The following HELZ2 variants were observed in gnomAD, a reference collection of about 807,000 sequenced individuals.
The protein encoded by HELZ2 is 3'-5' exoribonuclease HELZ2.
A neutral mutation model predicts 208.8 loss-of-function variants in HELZ2; 143 were observed. That is an observed-to-expected ratio of 0.68 (90% CI 0.60 to 0.79). The LOEUF (loss-of-function observed/expected upper bound fraction) is 0.79. Ranked by LOEUF, HELZ2 falls within the 30% of genes least tolerant of loss-of-function variation. HELZ2 has a pLI of 0.00. For missense variants in HELZ2, 3,690 were observed against 3,794.5 expected (o/e 0.97, Z 0.72); for synonymous variants, 1,705 against 1,693.7 (o/e 1.01, Z -0.16).
exon 5 of HELZ2, chr20:63,568,556 G>C: frequency 6.3e-7 from 1 of 1,586,468 alleles, no homozygotes; most frequent in Non-Finnish European, 8.5e-7. Flanking sequence ...ACGCCGCAAG[G>C]GTGGGACAGA....
chr20:63,567,119 C>A, exon 6 of HELZ2: 1 of 1,611,760 alleles, frequency 6.2e-7, no homozygotes, highest in Non-Finnish European at 8.5e-7. Context: ...ACAATGGCGT[C>A]CGTGCAGCGG....
At chr20:63,569,633 C>A in exon 4 of HELZ2, 1 of 1,545,076 alleles carries the variant, frequency 6.5e-7, no homozygotes, top group Non-Finnish European at 8.7e-7. Flanking sequence ...CTCCTGGCTC[C>A]TGCTTCAGCA....
chr20:63,566,058 C>G (rs199516314), exon 8 of HELZ2: 1 of 1,588,758 alleles, frequency 6.3e-7, no homozygotes, highest in Non-Finnish European at 8.5e-7. Flanking sequence ...CCGCAGGCCC[C>G]GAAGGAGCAG....
At chr20:63,567,031 C>G (rs916922122) in exon 6 of HELZ2, 1 of 1,611,222 alleles carries the variant, frequency 6.2e-7, no homozygotes, top group Admixed American at 1.7e-5. Flanking sequence ...CGGGTAGTGC[C>G]GGGGGTGGGG....
chr20:63,572,760 G>A (rs560150424), upstream of HELZ2: 64 of 224,332 alleles, frequency 2.9e-4, no homozygotes, highest in Middle Eastern at 1.5e-3. Context: ...TTGTGCTGAC[G>A]CTCGAAGGTC....
upstream of HELZ2, chr20:63,574,111 C>T (rs1273836972): frequency 6.7e-6 from 1 of 148,750 alleles, no homozygotes; most frequent in African/African-American, 2.5e-5. Context: ...CTGGGACCCC[C>T]GCGCTCACCC....
intron 3 of HELZ2, chr20:63,570,115 ATTT>A (rs56804055): frequency 3.1e-3 from 884 of 286,788 alleles, no homozygotes; most frequent in Middle Eastern, 6.6e-3. Context: ...TGCCTGGCTA[ATTT>A]TTTTTTTTTT....
At chr20:63,563,126 C>A in exon 8 of HELZ2, 1 of 1,596,332 alleles carries the variant, frequency 6.3e-7, no homozygotes, top group Non-Finnish European at 8.5e-7. Context: ...GAGCTGAGGG[C>A]TCGGTACCAG....
rs754552109 is a variant in HELZ2, at chr20:63,561,337, C to A, written c.6953+13G>T. On this transcript the variant is annotated intron_variant, in intron 13 of 18. Transcript: ENST00000467148. ...GCTGCAGGCAGCTCCACCCCCTGGC[C>A]CCTGCCACTTACCAGACCAGGTCCT... 1.3e-5 allele frequency: 21 copies of A among 1,612,762 alleles called. No homozygotes were observed. The highest frequency in any genetic ancestry group is 1.8e-5 in the Non-Finnish European group (21 of 1,179,796).
exon 6 of HELZ2, chr20:63,567,453 C>T: frequency 6.4e-7 from 1 of 1,558,900 alleles, no homozygotes; most frequent in Non-Finnish European, 8.7e-7. Context: ...CCAGCTCTGC[C>T]CGTGTGGGCG....
Position 63,559,516 on chromosome 20 carries a change from GAGTC to G in HELZ2, c.7826-150_7826-147del, listed in dbSNP as rs1349558827. On this transcript the variant is annotated intron_variant, in intron 18 of 18. Coordinates refer to ENST00000467148, the Ensembl canonical transcript of HELZ2. ...GGTGGGAGGAGTCAGGGTCAGATGG[GAGTC>G]AGTCAGAGTCAGGTGGGAGGAGTCA... The G allele has an allele frequency of 7.6e-4, 256 of 338,360 alleles. 1 individual carries two copies. The highest frequency in any genetic ancestry group is 2.3e-3 in the Middle Eastern group (3 of 1,322). The allele number at this position is 338,360 out of a possible 1,614,324, so 21.0% of individuals were successfully genotyped here. A position where few individuals can be genotyped will look rare whatever the true frequency, so the allele number is the denominator to read the frequency against.
chr20:63,561,093 G>C (rs1236892969), exon 14 of HELZ2: 3 of 1,611,736 alleles, frequency 1.9e-6, no homozygotes, highest in Non-Finnish European at 2.5e-6. Context: ...TTCTCGGCCT[G>C]TGGGAACTGC....
At chr20:63,562,265 C>G in intron 9 of HELZ2, 23 bp downstream of exon 10, 2 of 1,590,732 alleles carry the variant, frequency 1.3e-6, no homozygotes, top group South Asian at 2.2e-5. Flanking sequence ...AGAGGGGAAG[C>G]TGGAGGGGTG....
At chr20:63,560,824 C>G in exon 15 of HELZ2, 1 of 1,612,834 alleles carries the variant, frequency 6.2e-7, no homozygotes, top group South Asian at 1.1e-5. Context: ...AGCATATGTG[C>G]GTCCTCGTGG....
rs770165241 is a variant in HELZ2, at chr20:63,562,278, G to T, written c.6397+10C>A. The T allele has an allele frequency of 5.6e-6, 9 of 1,596,676 alleles. No individual in the cohort carries two copies. The South Asian group carries it at 1.0e-4, about 18-fold the overall frequency. On this transcript the variant is annotated intron_variant, in intron 9 of 18. Coordinates refer to ENST00000467148, the Ensembl canonical transcript of HELZ2. ...CCAGAGGGGAAGCTGGAGGGGTGGG[G>T]CAGACCTACCTCTGCAGAGGGGCTG...
At position 63,559,380 on chromosome 20, in the gene HELZ2, TG is replaced by T; in HGVS notation, c.7826-11del. 6.3e-7 allele frequency: 1 copy of T among 1,580,972 alleles called. No homozygotes were observed. Among genetic ancestry groups the T allele is most frequent in the Non-Finnish European group, 8.6e-7 (1 of 1,159,964 alleles). On this transcript the variant is annotated splice_polypyrimidine_tract_variant and intron_variant, in intron 18 of 18. Coordinates refer to ENST00000467148, the Ensembl canonical transcript of HELZ2. ...AGAAGGAGGTGGTCTCCTGTGAGGG[TG>T]GGAGTCAGATGGGAGTCAGTCAGGG...
intron 3 of HELZ2, among the ~76,000 whole-genome samples, chr20:63,569,975 G>C (rs1025781841): frequency 3.9e-5 from 6 of 152,140 alleles, no homozygotes; most frequent in African/African-American, 1.4e-4. Context: ...TTGAGACGGA[G>C]TTTCACTCTT....
At chr20:63,560,864 C>G (rs749181945) in exon 15 of HELZ2, 14 of 1,613,160 alleles carry the variant, frequency 8.7e-6, no homozygotes, top group Middle Eastern at 1.6e-4. Context: ...GGTCCAGACC[C>G]AGGTTTTGCA....
At chr20:63,570,796 C>G in exon 2 of HELZ2, 1 of 1,611,072 alleles carries the variant, frequency 6.2e-7, no homozygotes, top group African/African-American at 1.3e-5. Context: ...CCTGCGTGCG[C>G]CGGACCCACT....
Sources: gnomAD v4.1 joint callset for allele counts (sites outside exome capture counted in the v4.1 genomes callset) on GRCh38, gnomAD v4.1.1 for gene constraint, MANE v1.5 for transcripts, NCBI Gene and HGNC (gene_info 2026-07-23, HGNC 2026-07-21) for gene names.